The following FSCN2 variants were observed in gnomAD, a reference collection of about 807,000 sequenced individuals.
The protein encoded by FSCN2 is fascin-2.
Under a neutral mutation model 37.8 loss-of-function variants are expected in FSCN2, and 46 were observed. The observed-to-expected ratio is 1.22, with a 90% CI of 0.96 to 1.56. The LOEUF is 1.56. Among genes scored for constraint, FSCN2 ranks in the 40% most tolerant of loss-of-function variants. FSCN2 has a pLI of 0.00. For synonymous variants in FSCN2, 351 were observed against 309.4 expected, an observed-to-expected ratio of 1.13 and a Z score of -1.41; for missense variants, 844 against 730.4, an observed-to-expected ratio of 1.16 and a Z score of -1.79.
In FSCN2 at chr17:81,530,467, C is replaced by A. The variant is rs148443691; in HGVS notation, c.826+1110C>A. 656 of 385,590 alleles carry A rather than the reference C, an allele frequency of 1.7e-3. 3 individuals are homozygous for A. Among genetic ancestry groups the A allele is most frequent in the Non-Finnish European group, 2.3e-3 (456 of 199,246 alleles). The allele number at this position is 385,590 out of a possible 1,614,324, so 23.9% of individuals were successfully genotyped here. On this transcript the variant is annotated intron_variant, in intron 1 of 4. Coordinates refer to ENST00000417245, the MANE Select transcript of FSCN2 (RefSeq NM_012418.4). ...TCTGAGGGAAAAGCCCTGGCCCGGGCAGTCACTACCCACCTGGGCTCCTGG... is the reference window on the plus strand; with the variant it reads ...TCTGAGGGAAAAGCCCTGGCCCGGGAAGTCACTACCCACCTGGGCTCCTGG...
intron 1 of FSCN2, among the ~76,000 whole-genome samples, chr17:81,534,352 G>A (rs748823315): frequency 4.6e-5 from 7 of 152,138 alleles, no homozygotes; most frequent in East Asian, 3.9e-4. Flanking sequence ...GGGAAGCTCC[G>A]CAATCTGACA....
In FSCN2 at chr17:81,533,493, G is replaced by C. The variant is rs2032762179; in HGVS notation, c.827-1559G>C. 2.0e-5 allele frequency among the ~76,000 whole-genome samples: 3 copies of C among 152,218 alleles called. 1 individual carries two copies. The South Asian group carries it at 6.2e-4, about 31-fold the overall frequency. Reference sequence around the variant, plus strand: ...CCTGGGTCAGCTCTGACCTCAGCCTGACGCCCTCACGGTAGTAATGTGGCT... The same window carrying C: ...CCTGGGTCAGCTCTGACCTCAGCCTCACGCCCTCACGGTAGTAATGTGGCT... On this transcript the variant is annotated intron_variant, in intron 1 of 4. Transcript: ENST00000417245.
At chr17:81,523,107 G>C in the FSCN2 span, among the ~76,000 whole-genome samples, 53 of 152,340 alleles carry the variant, frequency 3.5e-4, no homozygotes, top group Admixed American at 1.2e-3. Context: ...TTTCACAGAA[G>C]ACAAAAGCCA....
Position 81,534,150 on chromosome 17 carries a change from G to A in FSCN2, c.827-902G>A, listed in dbSNP as rs181575350. On this transcript the variant is annotated intron_variant, in intron 1 of 4. Transcript: ENST00000417245. ...TGTGAGGGAGATCCCAGCCTGGGGC[G>A]TGAGGGGCAGCTTTGGGGCTGGCAG... Among the ~76,000 whole-genome samples the A allele has an allele frequency of 1.1e-3, 166 of 152,340 alleles. No homozygotes were observed. The Middle Eastern group carries it at 0.024, about 22-fold the overall frequency.
At position 81,537,056 on chromosome 17, in the gene FSCN2, CG is replaced by C; in HGVS notation, c.1458del (p.Thr487ProfsTer?). ...LLRADADAPA[G>X]TALWEY ...TGCGGGCCGATGCCGACGCCCCGGC[CG>C]GGACCGCGCTTTGGGAGTACTGAGG... is the stretch of plus-strand genomic sequence containing the variant. On this transcript the variant is annotated frameshift_variant, in exon 5 of 5. Transcript: ENST00000417245. LOFTEE classifies it high-confidence loss of function. The C allele has an allele frequency of 2.7e-6, 4 of 1,464,304 alleles. No homozygotes were observed. In the South Asian group the frequency reaches 5.4e-5, roughly 20 times the overall value. The allele number at this position is 1,464,304 out of a possible 1,614,324, so 90.7% of individuals were successfully genotyped here.
At chr17:81,529,637 C>T (rs1439218302) in intron 1 of FSCN2, 1 of 679,544 alleles carries the variant, frequency 1.5e-6, no homozygotes, top group Non-Finnish European at 2.7e-6. Context: ...TCAGCCAAGC[C>T]CTGGGCAGCT....
the FSCN2 span, among the ~76,000 whole-genome samples, chr17:81,522,434 G>C: frequency 6.6e-6 from 1 of 152,260 alleles, no homozygotes; most frequent in Non-Finnish European, 1.5e-5. Flanking sequence ...GGAGCTGGGT[G>C]ACACCACGAT....
intron 1 of FSCN2, among the ~76,000 whole-genome samples, chr17:81,531,825 G>C (rs1221734895): frequency 8.9e-6 from 1 of 112,448 alleles, no homozygotes; most frequent in South Asian, 3.2e-4. Flanking sequence ...GGTGGTGATG[G>C]TGGTGGTGGT....
In FSCN2 at chr17:81,528,698, C is replaced by A; in HGVS notation, c.167C>A (p.Thr56Lys). ...WVLEPDPGQG[T>K]AVLLRSSHLG... ...CTGGAACCCGACCCAGGACAAGGCA[C>A]GGCTGTGCTGCTCCGCAGCAGCCAC... The change falls in exon 1 of 5, where the codon ACG (threonine) becomes AAG (lysine). Residue 56 changes from threonine (T) to lysine (K), a missense_variant. Physicochemically the swap from Thr to Lys is moderately conservative, Grantham distance 78. Transcript: ENST00000417245. The A allele has an allele frequency of 6.2e-7, 1 of 1,600,838 alleles. No individual in the cohort carries two copies. Among genetic ancestry groups the A allele is most frequent in the Non-Finnish European group, 8.5e-7 (1 of 1,174,684 alleles).
At chr17:81,515,065 G>A in the FSCN2 span, among the ~76,000 whole-genome samples, 1 of 151,780 alleles carries the variant, frequency 6.6e-6, no homozygotes, top group African/African-American at 2.4e-5. Flanking sequence ...GGGCCTCGGA[G>A]CCTGGGGAGT....
chr17:81,522,624 G>A, the FSCN2 span, among the ~76,000 whole-genome samples: 4 of 152,264 alleles, frequency 2.6e-5, no homozygotes, highest in African/African-American at 9.6e-5. Flanking sequence ...GCGGGTGGAC[G>A]TGGCATTACA....
At chr17:81,523,321 A>ACCCTAAACC in the FSCN2 span, among the ~76,000 whole-genome samples, 1 of 152,174 alleles carries the variant, frequency 6.6e-6, no homozygotes, top group African/African-American at 2.4e-5. Context: ...TGCCTTGCCG[A>ACCCTAAACC]TGGAGCCTGT....
chr17:81,535,815 A>G (rs1598580979), intron 2 of FSCN2, among the ~76,000 whole-genome samples: 1 of 64,942 alleles, frequency 1.5e-5, no homozygotes, highest in South Asian at 7.7e-4. Context: ...CCCCATCTCC[A>G]TCACCATCCC....
chr17:81,523,383 C>T (rs1419376848), upstream of FSCN2, among the ~76,000 whole-genome samples: 2 of 152,234 alleles, frequency 1.3e-5, no homozygotes, highest in Non-Finnish European at 2.9e-5. Context: ...AAGAGAAGTG[C>T]GGCCCCCTCG....
chr17:81,528,525 C>G lies in FSCN2; in HGVS notation c.-7C>G. On this transcript the variant is annotated 5_prime_UTR_variant, in exon 1 of 5. Coordinates refer to ENST00000417245, the MANE Select transcript of FSCN2 (RefSeq NM_012418.4). ...CAGGCCCCTCCGGGGACCCGGCCAG[C>G]CTGAAGATGCCGACGAACGGCCTGC... The G allele has an allele frequency of 2.5e-6, 4 of 1,581,044 alleles. No homozygotes were observed. The highest frequency in any genetic ancestry group is 2.6e-6 in the Non-Finnish European group (3 of 1,163,008).
chr17:81,536,547 C>T, intron 3 of FSCN2, 75 bp from the exon 4 acceptor site: 1 of 1,580,830 alleles, frequency 6.3e-7, no homozygotes, highest in Non-Finnish European at 8.5e-7. Flanking sequence ...TGGCGTTTCC[C>T]AGGGCCCCCA....
At chr17:81,518,738 C>T in the FSCN2 span, among the ~76,000 whole-genome samples, 1 of 152,186 alleles carries the variant, frequency 6.6e-6, no homozygotes, top group Non-Finnish European at 1.5e-5. Context: ...CCTGCTCTGG[C>T]CAGCAGCTCG....
At chr17:81,533,410 C>G (rs2032760201) in intron 1 of FSCN2, among the ~76,000 whole-genome samples, 1 of 152,182 alleles carries the variant, frequency 6.6e-6, no homozygotes, top group Admixed American at 6.5e-5. Context: ...CAGCCACTAT[C>G]ACCCGCTCAG....
At chr17:81,528,139 C>T (rs570989191), upstream of FSCN2, among the ~76,000 whole-genome samples, 12 of 152,274 alleles carry the variant, frequency 7.9e-5, no homozygotes, top group South Asian at 1.4e-3. Context: ...GGTGCAGGGC[C>T]GTGAAGAGGG....
Sources: allele counts gnomAD v4.1 joint callset (sites outside exome capture counted in the v4.1 genomes callset), GRCh38; gene constraint gnomAD v4.1.1; transcripts MANE v1.5; gene names NCBI Gene and HGNC (gene_info 2026-07-23, HGNC 2026-07-21).